YTHDC1: variants seen among roughly 807,000 people sequenced by gnomAD.
YTHDC1 encodes the protein YTH N6-methyladenosine RNA binding protein C1.
YTHDC1 carries 12 observed loss-of-function variants against 107.0 expected under a neutral mutation model. The observed-to-expected ratio is 0.11, with a 90% CI of 0.07 to 0.18. The LOEUF (loss-of-function observed/expected upper bound fraction) is 0.18. Among genes scored for constraint, YTHDC1 ranks in the 10% least tolerant of loss-of-function variants. The pLI is 1.00. For missense variants in YTHDC1, 635 were observed against 898.8 expected, an observed-to-expected ratio of 0.71 and a Z score of 3.75; for synonymous variants, 280 against 289.5, an observed-to-expected ratio of 0.97 and a Z score of 0.33.
In YTHDC1 at chr4:68,349,800, C is replaced by A. The variant is rs181771790; in HGVS notation, c.-47G>T. 74 of 1,610,896 alleles carry A rather than the reference C, an allele frequency of 4.6e-5. No homozygotes were observed. The African/African-American group carries it at 9.3e-4, about 20-fold the overall frequency. On this transcript the variant is annotated 5_prime_UTR_variant, in exon 1 of 17. Coordinates refer to ENST00000344157, the MANE Select transcript of YTHDC1 (RefSeq NM_001031732.4). ...GCTGCCACCGCCGCCGCCGCTTAGACGCGACTCGCGCGGGCGCCGCAGCCG... is the reference window on the plus strand; with the variant it reads ...GCTGCCACCGCCGCCGCCGCTTAGAAGCGACTCGCGCGGGCGCCGCAGCCG...
Position 68,337,915 on chromosome 4 carries a change from G to GA in YTHDC1, c.131-16_131-15insT. On this transcript the variant is annotated splice_polypyrimidine_tract_variant and intron_variant, in intron 2 of 16. Transcript: ENST00000344157. The stretch of plus-strand genomic sequence containing the variant: ...TCTTTTTGATCCTTTAAAATACAAT[G>GA]TAAAAAAAAAAAAAAGAAGTATTTG... The GA allele has an allele frequency of 1.9e-6, 3 of 1,567,194 alleles. No individual in the cohort carries two copies. Among genetic ancestry groups the GA allele is most frequent in the Admixed American group, 3.9e-5 (2 of 51,736 alleles).
Position 68,314,023 on chromosome 4 carries a change from A to C in YTHDC1, c.*76T>G. The C allele has an allele frequency of 7.0e-7, 1 of 1,425,414 alleles. No homozygotes were observed. Among genetic ancestry groups the C allele is most frequent in the Non-Finnish European group, 9.7e-7 (1 of 1,032,142 alleles). 88.3% of individuals were successfully genotyped at this position (1,425,414 alleles called of 1,614,324 possible). A position where few individuals can be genotyped will look rare whatever the true frequency, so the allele number is the denominator to read the frequency against. On this transcript the variant is annotated 3_prime_UTR_variant, in exon 17 of 17. Coordinates refer to ENST00000344157, the MANE Select transcript of YTHDC1 (RefSeq NM_001031732.4). ...TAGGCAGACAGCTGAAAATAAATTT[A>C]CTACTTGTAAACACACACAAAAAAA...
At chr4:68,337,501 G>A (rs1176825390) in intron 3 of YTHDC1, 51 bp from the exon 4 acceptor site, 2 of 1,600,898 alleles carry the variant, frequency 1.2e-6, no homozygotes, top group East Asian at 2.2e-5. Flanking sequence ...GACAAGGTCA[G>A]GGTGAATAAA....
chr4:68,332,512 C>A (rs1723704857), intron 6 of YTHDC1, among the ~76,000 whole-genome samples: 1 of 151,982 alleles, frequency 6.6e-6, no homozygotes, highest in Non-Finnish European at 1.5e-5. Context: ...TATATACATA[C>A]ATATATATAC....
intron 4 of YTHDC1, among the ~76,000 whole-genome samples, chr4:68,335,981 A>C (rs1370484778): frequency 6.7e-6 from 1 of 149,014 alleles, no homozygotes; most frequent in Non-Finnish European, 1.5e-5. Context: ...GTATAGATAT[A>C]TACTATCCAT....
intron 9 of YTHDC1, among the ~76,000 whole-genome samples, chr4:68,327,293 TGG>T (rs1339881588): frequency 2.0e-5 from 3 of 152,144 alleles, no homozygotes; most frequent in African/African-American, 7.2e-5. Context: ...ATGGGTTGTT[TGG>T]AATGGACATG....
chr4:68,313,993 C>A lies in YTHDC1; in HGVS notation c.*106G>T. On this transcript the variant is annotated 3_prime_UTR_variant, in exon 17 of 17. Transcript: ENST00000344157. Reference sequence around the variant, plus strand: ...ATAATAAATCCTTCTACACAATGAACTTCATAGGCAGACAGCTGAAAATAA... The same window carrying A: ...ATAATAAATCCTTCTACACAATGAAATTCATAGGCAGACAGCTGAAAATAA... 2 of 1,167,410 alleles carry A rather than the reference C, an allele frequency of 1.7e-6. No homozygotes were observed. The highest frequency in any genetic ancestry group is 2.5e-6 in the Non-Finnish European group (2 of 809,078). 72.3% of individuals were successfully genotyped at this position (1,167,410 alleles called of 1,614,324 possible). A position where few individuals can be genotyped will look rare whatever the true frequency, so the allele number is the denominator to read the frequency against.
chr4:68,322,422 C>T lies in YTHDC1; in HGVS notation c.1601+327G>A, dbSNP rs1722535316. ...TGCAAATAAAGACTTCCTCCTCTTC[C>T]TCCTTTCTAGCCTGTTCTTAGCAAC... On this transcript the variant is annotated intron_variant, in intron 11 of 16. Transcript: ENST00000344157. This position sits in a 1 kb window ranked among gnomAD's most constrained non-coding sequence, Gnocchi z 4.8. The T allele has an allele frequency of 4.0e-6, 1 of 251,270 alleles. No individual in the cohort carries two copies. The highest frequency in any genetic ancestry group is 7.5e-6 in the Non-Finnish European group (1 of 133,716). The allele number at this position is 251,270 out of a possible 1,614,324, so 15.6% of individuals were successfully genotyped here.
At chr4:68,349,096 G>A (rs920128005) in intron 1 of YTHDC1, among the ~76,000 whole-genome samples, 1 of 152,168 alleles carries the variant, frequency 6.6e-6, no homozygotes, top group African/African-American at 2.4e-5. Context: ...TAACATAATA[G>A]CACCCAGGAT....
intron 1 of YTHDC1, among the ~76,000 whole-genome samples, chr4:68,339,154 A>G (rs150251725): frequency 6.6e-6 from 1 of 152,342 alleles, no homozygotes; most frequent in African/African-American, 2.4e-5. Flanking sequence ...TTAACCAGAT[A>G]ATCAAAGTTA....
At position 68,313,469 on chromosome 4, in the gene YTHDC1, G is replaced by A. The variant is rs558848765; in HGVS notation, c.*630C>T. The A allele has an allele frequency of 6.6e-6, 1 of 152,568 alleles. No homozygotes were observed. The highest frequency in any genetic ancestry group is 1.5e-5 in the Non-Finnish European group (1 of 68,118). 9.5% of individuals were successfully genotyped at this position (152,568 alleles called of 1,614,324 possible). A position where few individuals can be genotyped will look rare whatever the true frequency, so the allele number is the denominator to read the frequency against. Reference sequence around the variant, plus strand: ...AAGGCTAAACAATAGCATCAACCACGCTACTGAACATAGGAATTTTTCATT... The same window carrying A: ...AAGGCTAAACAATAGCATCAACCACACTACTGAACATAGGAATTTTTCATT... On this transcript the variant is annotated 3_prime_UTR_variant, in exon 17 of 17. Coordinates refer to ENST00000344157, the MANE Select transcript of YTHDC1 (RefSeq NM_001031732.4).
chr4:68,349,303 C>G (rs1725807188), intron 1 of YTHDC1, among the ~76,000 whole-genome samples: 1 of 152,190 alleles, frequency 6.6e-6, no homozygotes, highest in South Asian at 2.1e-4. Context: ...TAAACTTGCT[C>G]ACTTACCACA....
chr4:68,345,952 T>TTAC (rs1412305741), intron 1 of YTHDC1, among the ~76,000 whole-genome samples: 1 of 152,178 alleles, frequency 6.6e-6, no homozygotes, highest in East Asian at 1.9e-4. Context: ...CCACCTAAGT[T>TTAC]TGTGTAAACA....
At chr4:68,318,929 C>A (rs963635364) in intron 12 of YTHDC1, 67 bp from the exon 13 acceptor site, 1 of 1,497,650 alleles carries the variant, frequency 6.7e-7, no homozygotes, top group East Asian at 2.3e-5. Flanking sequence ...TATAATTAAA[C>A]CTTCCTTACC....
chr4:68,344,270 T>C (rs1195848179), intron 1 of YTHDC1, among the ~76,000 whole-genome samples: 4 of 151,700 alleles, frequency 2.6e-5, no homozygotes, highest in African/African-American at 9.7e-5. Context: ...TATCTTTATC[T>C]GCCAGATTCT....
rs185472228 is a variant in YTHDC1 at position 68,324,057 on chromosome 4, G to A, written c.1434+82C>T. On this transcript the variant is annotated intron_variant, in intron 10 of 16. Coordinates refer to ENST00000344157, the MANE Select transcript of YTHDC1 (RefSeq NM_001031732.4). The stretch of plus-strand genomic sequence containing the variant: ...TCACGTGGTCTCTTTCATCAGAAAC[G>A]GTTAAAACGAATACATCAATAAAGA... 726 of 1,259,264 alleles carry A rather than the reference G, an allele frequency of 5.8e-4. 3 individuals carry two copies. The African/African-American group carries it at 7.8e-3, about 14-fold the overall frequency. 78.0% of individuals were successfully genotyped at this position (1,259,264 alleles called of 1,614,324 possible).
chr4:68,320,386 C>A (rs367694698), intron 11 of YTHDC1, among the ~76,000 whole-genome samples, 181 bp from the exon 12 acceptor site: 1 of 152,020 alleles, frequency 6.6e-6, no homozygotes, highest in African/African-American at 2.4e-5. Flanking sequence ...TTCCTATAAA[C>A]CAAACTTTAA....
At chr4:68,344,729 A>T (rs1369183966) in intron 1 of YTHDC1, among the ~76,000 whole-genome samples, 2 of 152,194 alleles carry the variant, frequency 1.3e-5, no homozygotes, top group Non-Finnish European at 2.9e-5. Flanking sequence ...TACAGGAAGT[A>T]AACAAGGATA....
intron 1 of YTHDC1, among the ~76,000 whole-genome samples, chr4:68,347,766 T>G (rs773083867): frequency 6.6e-6 from 1 of 152,180 alleles, no homozygotes; most frequent in African/African-American, 2.4e-5. Flanking sequence ...CACTTTTCCT[T>G]AAGAGAGGAA....
Sources: allele counts gnomAD v4.1 joint callset (sites outside exome capture counted in the v4.1 genomes callset), GRCh38; gene constraint gnomAD v4.1.1; non-coding constraint Gnocchi (gnomAD v3.1); transcripts MANE v1.5; gene names NCBI Gene and HGNC (gene_info 2026-07-23, HGNC 2026-07-21).